ASTN2: variants seen among roughly 807,000 people sequenced by gnomAD.
ASTN2 encodes astrotactin 2.
A neutral mutation model predicts 139.8 loss-of-function variants in ASTN2; 54 were observed. The observed-to-expected ratio is 0.39, with a 90% CI of 0.31 to 0.48. ASTN2 has a LOEUF of 0.48. ASTN2 is among the 20% of genes least tolerant of loss of function. ASTN2 has a pLI of 0.95. For missense variants in ASTN2, 1,565 were observed against 1,725.1 expected, an observed-to-expected ratio of 0.91 and a Z score of 1.64; for synonymous variants, 756 against 719.5, an observed-to-expected ratio of 1.05 and a Z score of -0.81.
intron 20 of ASTN2, among the ~76,000 whole-genome samples, chr9:116,456,304 T>A (rs10817894): frequency 6.6e-6 from 1 of 151,806 alleles, no homozygotes; most frequent in Non-Finnish European, 1.5e-5. Context: ...ACTGAAGAAG[T>A]GAAATATTTC....
chr9:117,233,077 A>G (rs1288061310), intron 2 of ASTN2, among the ~76,000 whole-genome samples: 1 of 152,094 alleles, frequency 6.6e-6, no homozygotes, highest in Non-Finnish European at 1.5e-5. Context: ...GGTGAGCTGG[A>G]GCTTGCGTTC....
chr9:116,768,601 A>G (rs1340142066), intron 13 of ASTN2, among the ~76,000 whole-genome samples: 3 of 152,212 alleles, frequency 2.0e-5, no homozygotes, highest in African/African-American at 7.2e-5. Flanking sequence ...AATGGCCAAG[A>G]TCATGGTATT....
chr9:116,777,937 G>A (rs1204939452), intron 13 of ASTN2, among the ~76,000 whole-genome samples: 8 of 152,098 alleles, frequency 5.3e-5, no homozygotes, highest in Admixed American at 5.2e-4. Context: ...CCACCTCCCG[G>A]GTTCAAGCAA....
chr9:116,808,325 A>G (rs1831083391), intron 12 of ASTN2, among the ~76,000 whole-genome samples: 1 of 151,728 alleles, frequency 6.6e-6, no homozygotes, highest in South Asian at 2.1e-4. Flanking sequence ...TTGTGTATAC[A>G]GAAACATTTC....
At position 117,392,868 on chromosome 9, in the gene ASTN2, G is replaced by A. The variant is rs983492225; in HGVS notation, c.442+21629C>T. Reference sequence around the variant, plus strand: ...AGCCCACCAGAGTTACAGAAAAAGAGCTTTGCAAAACAGGAATAAGACACT... The same window carrying A: ...AGCCCACCAGAGTTACAGAAAAAGAACTTTGCAAAACAGGAATAAGACACT... On this transcript the variant is annotated intron_variant, in intron 1 of 22. Transcript: ENST00000313400. Among the ~76,000 whole-genome samples the A allele has an allele frequency of 4.6e-5, 7 of 152,308 alleles. No homozygotes were observed. In the South Asian group the frequency reaches 1.2e-3, roughly 27 times the overall value.
At chr9:117,304,916 T>C (rs1834962460) in intron 1 of ASTN2, among the ~76,000 whole-genome samples, 1 of 152,196 alleles carries the variant, frequency 6.6e-6, no homozygotes. Context: ...CTCTTGATTT[T>C]CTCTCTGCAT....
intron 13 of ASTN2, among the ~76,000 whole-genome samples, chr9:116,774,455 C>A (rs1830030486): frequency 6.6e-6 from 1 of 152,150 alleles, no homozygotes; most frequent in Admixed American, 6.5e-5. Context: ...ATAATAATAG[C>A]ACCCAACATT....
In ASTN2 at chr9:116,425,494, CAGAGTGTGGCAGGAAGAAGGA is replaced by C. The variant is rs1018581075; in HGVS notation, c.*336_*356del. On this transcript the variant is annotated 3_prime_UTR_variant, in exon 23 of 23. Transcript: ENST00000313400. ...CCAGGGGTCCATGGCAGGAAGAAAG[CAGAGTGTGGCAGGAAGAAGGA>C]AGAAGAGCAAAGGCCGCTTGGTCTC... The C allele has an allele frequency of 1.4e-6, 2 of 1,448,144 alleles. No homozygotes were observed. Among genetic ancestry groups the C allele is most frequent in the African/African-American group, 2.8e-5 (2 of 70,766 alleles). The allele number at this position is 1,448,144 out of a possible 1,614,324, so 89.7% of individuals were successfully genotyped here.
intron 6 of ASTN2, among the ~76,000 whole-genome samples, chr9:117,020,265 T>C (rs996666392): frequency 2.0e-5 from 3 of 152,032 alleles, no homozygotes; most frequent in South Asian, 2.1e-4. Flanking sequence ...CTTCAGAAGA[T>C]TTGGGAAGGA....
At chr9:117,036,001 A>G (rs1394856256) in intron 6 of ASTN2, among the ~76,000 whole-genome samples, 1 of 152,178 alleles carries the variant, frequency 6.6e-6, no homozygotes, top group Non-Finnish European at 1.5e-5. Context: ...AATAAGAGTA[A>G]TAACAGCTAC....
At chr9:117,180,550 TCAGCACACTCA>T (rs1185125894) in intron 3 of ASTN2, 1 of 688,378 alleles carries the variant, frequency 1.5e-6, no homozygotes, top group African/African-American at 1.8e-5. Context: ...TATCCATATT[TCAGCACACTCA>T]CAGCAATCAT....
At chr9:117,255,068 C>T (rs1833647824) in intron 2 of ASTN2, among the ~76,000 whole-genome samples, 1 of 152,166 alleles carries the variant, frequency 6.6e-6, no homozygotes, top group South Asian at 2.1e-4. Flanking sequence ...GTTCTTCTGG[C>T]TGAAGAGGTG....
chr9:116,694,668 T>C (rs1266476459), intron 16 of ASTN2, among the ~76,000 whole-genome samples: 1 of 149,008 alleles, frequency 6.7e-6, no homozygotes, highest in Non-Finnish European at 1.5e-5. Flanking sequence ...AGACGGAGTT[T>C]CACCGTCTTA....
chr9:117,060,401 AGAAAGAAAGAAG>A lies in ASTN2; in HGVS notation c.1277-20448_1277-20437del, dbSNP rs1467190511. ...AAGAAAGAAAGAAAGAAAGAAAGAA[AGAAAGAAAGAAG>A]GAAAGGAAGGAAGGAAGGAAGAGAG... On this transcript the variant is annotated intron_variant, in intron 5 of 22. Transcript: ENST00000313400. 6.3e-4 allele frequency among the ~76,000 whole-genome samples: 48 copies of A among 76,286 alleles called. 4 individuals carry two copies. The highest frequency in any genetic ancestry group is 3.2e-3 in the African/African-American group (44 of 13,630). 50.0% of individuals were successfully genotyped at this position (76,286 alleles called of 152,430 possible).
intron 16 of ASTN2, among the ~76,000 whole-genome samples, chr9:116,672,270 G>T (rs1475127627): frequency 6.6e-6 from 1 of 151,840 alleles, no homozygotes; most frequent in Non-Finnish European, 1.5e-5. Context: ...GGGGACTGAG[G>T]TGGGAGGATC....
intron 3 of ASTN2, among the ~76,000 whole-genome samples, chr9:117,170,257 C>T (rs1830760194): frequency 6.6e-6 from 1 of 152,070 alleles, no homozygotes; most frequent in African/African-American, 2.4e-5. Flanking sequence ...CACCTTCCAG[C>T]CACTCCAAAT....
chr9:117,061,492 G>A (rs1044007527), intron 5 of ASTN2, among the ~76,000 whole-genome samples: 7 of 151,866 alleles, frequency 4.6e-5, no homozygotes, highest in Non-Finnish European at 7.4e-5. Flanking sequence ...TTTTACATAG[G>A]CTCATCAGGA....
At chr9:117,023,304 C>A (rs1837946676) in intron 6 of ASTN2, among the ~76,000 whole-genome samples, 1 of 152,180 alleles carries the variant, frequency 6.6e-6, no homozygotes, top group Non-Finnish European at 1.5e-5. Flanking sequence ...CAGTCTGCCC[C>A]AACCACATTG....
At chr9:117,372,664 G>A (rs559167788) in intron 1 of ASTN2, among the ~76,000 whole-genome samples, 21 of 152,048 alleles carry the variant, frequency 1.4e-4, no homozygotes, top group Non-Finnish European at 8.8e-5. Flanking sequence ...GCACATAGCA[G>A]GTTCTGAATA....
Sources: gnomAD v4.1 joint callset for allele counts (sites outside exome capture counted in the v4.1 genomes callset) on GRCh38, gnomAD v4.1.1 for gene constraint, MANE v1.5 for transcripts, NCBI Gene and HGNC (gene_info 2026-07-23, HGNC 2026-07-21) for gene names.